SLC36A1: variants seen among roughly 807,000 people sequenced by gnomAD.
SLC36A1 encodes proton-coupled amino acid transporter 1.
A neutral mutation model predicts 47.5 loss-of-function variants in SLC36A1; 30 were observed. The observed-to-expected ratio is 0.63, with a 90% confidence interval of 0.47 to 0.86. The LOEUF (loss-of-function observed/expected upper bound fraction) is 0.86, where lower values mean the gene tolerates loss of function less well. Among genes scored for constraint, SLC36A1 ranks in the 40% least tolerant of loss-of-function variants. SLC36A1 has a pLI of 0.00. For synonymous variants in SLC36A1, 255 were observed against 249.7 expected (o/e 1.02, Z -0.20); for missense variants, 517 against 606.0 (o/e 0.85, Z 1.54).
At chr5:151,423,253 C>T in the SLC36A1 span, among the ~76,000 whole-genome samples, 1 of 152,204 alleles carries the variant, frequency 6.6e-6, no homozygotes, top group South Asian at 2.1e-4. Flanking sequence ...GAAATATACT[C>T]TTACCGTATG....
the SLC36A1 span, among the ~76,000 whole-genome samples, chr5:151,526,965 T>C: frequency 2.6e-5 from 4 of 152,236 alleles, no homozygotes; most frequent in African/African-American, 4.8e-5. Flanking sequence ...TTTTCATACC[T>C]CAATCTTCTA....
chr5:151,458,759 A>G, intron 1 of SLC36A1, 29 bp from the exon 2 acceptor site: 1 of 1,604,204 alleles, frequency 6.2e-7, no homozygotes, highest in Non-Finnish European at 8.5e-7. Context: ...CAGCTGCAGG[A>G]GGTCTTAATG....
the SLC36A1 span, chr5:151,387,369 A>G: frequency 2.0e-5 from 3 of 152,350 alleles, no homozygotes; most frequent in South Asian, 6.2e-4. Flanking sequence ...ATTGCTTCCA[A>G]TAACCCCCTA....
At chr5:151,435,110 G>A (rs74663149), upstream of SLC36A1, among the ~76,000 whole-genome samples, 51 of 152,262 alleles carry the variant, frequency 3.3e-4, no homozygotes, top group East Asian at 8.9e-3. Flanking sequence ...AAGGACACAC[G>A]TATCTGGACA....
At chr5:151,548,040 G>T in the SLC36A1 span, among the ~76,000 whole-genome samples, 1,472 of 152,236 alleles carry the variant, frequency 9.7e-3, 21 homozygotes, top group African/African-American at 0.034. Flanking sequence ...TAAAAGATGT[G>T]ATTTCATTTC....
intron 10 of SLC36A1, chr5:151,480,074 C>G: frequency 6.6e-7 from 1 of 1,506,860 alleles, no homozygotes. Context: ...AGTTAAAAGA[C>G]AGGATACCCT....
the SLC36A1 span, among the ~76,000 whole-genome samples, chr5:151,411,274 C>T: frequency 2.8e-5 from 4 of 144,758 alleles, 1 homozygote; most frequent in Admixed American, 1.4e-4. Flanking sequence ...TATCTTATTT[C>T]TTCAAGGCTT....
chr5:151,449,418 G>C (rs952653310), intron 1 of SLC36A1, among the ~76,000 whole-genome samples: 2 of 152,200 alleles, frequency 1.3e-5, no homozygotes, highest in African/African-American at 4.8e-5. Context: ...GGGGATGGAG[G>C]CTACGTGCAG....
chr5:151,363,889 C>T, the SLC36A1 span, among the ~76,000 whole-genome samples: 1 of 152,180 alleles, frequency 6.6e-6, no homozygotes, highest in South Asian at 2.1e-4. Context: ...CTACTGAACT[C>T]ATGCAGAGAT....
At chr5:151,530,260 A>G in the SLC36A1 span, among the ~76,000 whole-genome samples, 2 of 152,162 alleles carry the variant, frequency 1.3e-5, no homozygotes, top group Admixed American at 1.3e-4. Context: ...AGAAAAAAAA[A>G]AAAAAGCCAG....
At chr5:151,546,325 C>T in the SLC36A1 span, 1 of 1,612,060 alleles carries the variant, frequency 6.2e-7, no homozygotes, top group East Asian at 2.2e-5. Context: ...GTTGAAGAAA[C>T]CTTCGCTGTT....
At chr5:151,484,149 T>A (rs1405962097) in intron 10 of SLC36A1, among the ~76,000 whole-genome samples, 1 of 152,182 alleles carries the variant, frequency 6.6e-6, no homozygotes, top group Admixed American at 6.5e-5. Context: ...CTGACTCCAC[T>A]TAACTATCAT....
the SLC36A1 span, chr5:151,534,402 G>A: frequency 5.0e-6 from 8 of 1,599,276 alleles, no homozygotes; most frequent in Non-Finnish European, 6.8e-6. Flanking sequence ...ATCCTTCTCA[G>A]ACTCACCTTG....
At chr5:151,537,446 AG>A in the SLC36A1 span, among the ~76,000 whole-genome samples, 195 of 144,758 alleles carry the variant, frequency 1.3e-3, no homozygotes, top group African/African-American at 4.7e-3. Context: ...AGGAGAGGGG[AG>A]GGGAGGGGAG....
intron 1 of SLC36A1, among the ~76,000 whole-genome samples, chr5:151,454,361 G>A (rs1754145908): frequency 6.6e-6 from 1 of 152,166 alleles, no homozygotes. Context: ...CCTAAGGGCA[G>A]TGTGGCCATG....
rs368693565 is a variant in SLC36A1 at position 151,462,348 on chromosome 5, C to G, written c.144-1205C>G. 2.0e-5 allele frequency among the ~76,000 whole-genome samples: 3 copies of G among 151,108 alleles called. No individual in the cohort carries two copies. In the East Asian group the frequency reaches 5.8e-4, roughly 29 times the overall value. ...ATGGGTAAAAGATCCATTGAAAGAG[C>G]AAGATCACCAATGGATTTTTTTTTT... On this transcript the variant is annotated intron_variant, in intron 2 of 10. Coordinates refer to ENST00000243389, the MANE Select transcript of SLC36A1 (RefSeq NM_078483.4).
chr5:151,361,383 A>AAC, the SLC36A1 span, among the ~76,000 whole-genome samples: 1 of 152,224 alleles, frequency 6.6e-6, no homozygotes, highest in Non-Finnish European at 1.5e-5. Context: ...GAAACATCTT[A>AAC]TATTGCTTTA....
intron 8 of SLC36A1, among the ~76,000 whole-genome samples, chr5:151,474,178 A>AAAAAATAAAAAGAG (rs776318482): frequency 8.4e-6 from 1 of 119,008 alleles, no homozygotes; most frequent in East Asian, 2.5e-4. Context: ...AAAAAAAAAA[A>AAAAAATAAAAAGAG]AGAAATTATC....
chr5:151,367,374 T>TTTTTTCC, the SLC36A1 span, among the ~76,000 whole-genome samples: 155 of 145,530 alleles, frequency 1.1e-3, no homozygotes, highest in East Asian at 4.4e-3. Context: ...TTTTTTTTTT[T>TTTTTTCC]CCCCAGGGTA....
Sources: allele counts gnomAD v4.1 joint callset (sites outside exome capture counted in the v4.1 genomes callset), GRCh38; gene constraint gnomAD v4.1.1; transcripts MANE v1.5; gene names NCBI Gene and HGNC (gene_info 2026-07-23, HGNC 2026-07-21).